Variants in PRKAR2B observed in about 807,000 individuals in gnomAD.
PRKAR2B encodes cAMP-dependent protein kinase type II-beta regulatory subunit.
PRKAR2B carries 14 observed loss-of-function variants against 49.9 expected under a neutral mutation model. The ratio of observed to expected loss-of-function variants is 0.28; its 90% CI spans 0.19 to 0.44. The LOEUF is 0.44. Ranked by LOEUF, PRKAR2B falls within the 20% of genes least tolerant of loss-of-function variation. The pLI is 1.00. For synonymous variants in PRKAR2B, 196 were observed against 197.7 expected, an observed-to-expected ratio of 0.99 and a Z score of 0.07; for missense variants, 393 against 537.9, an observed-to-expected ratio of 0.73 and a Z score of 2.67.
At chr7:107,103,329 A>G (rs143231207) in intron 2 of PRKAR2B, among the ~76,000 whole-genome samples, 29 of 152,348 alleles carry the variant, frequency 1.9e-4, no homozygotes, top group African/African-American at 7.0e-4. Flanking sequence ...GCCAACGTCT[A>G]CCTCACTCTT....
intron 5 of PRKAR2B, among the ~76,000 whole-genome samples, chr7:107,142,482 A>G (rs1385191500): frequency 6.6e-6 from 1 of 152,192 alleles, no homozygotes; most frequent in East Asian, 1.9e-4. Context: ...ACCCTCTATG[A>G]TCTTAACCAT....
At chr7:107,100,506 T>C (rs1794939552) in intron 2 of PRKAR2B, among the ~76,000 whole-genome samples, 2 of 152,228 alleles carry the variant, frequency 1.3e-5, no homozygotes, top group African/African-American at 4.8e-5. Context: ...CTGAGGTTCA[T>C]TGAACTTCTA....
chr7:107,083,493 T>C (rs1224705844), intron 2 of PRKAR2B, among the ~76,000 whole-genome samples: 1 of 152,128 alleles, frequency 6.6e-6, no homozygotes, highest in Non-Finnish European at 1.5e-5. Flanking sequence ...TAGTGCAATA[T>C]TTGAAGGGAG....
chr7:107,153,329 T>C lies in PRKAR2B; in HGVS notation c.918+78T>C, dbSNP rs1309620622. On this transcript the variant is annotated intron_variant, in intron 8 of 10. Transcript: ENST00000265717. ...TGTAGTGGTAGATCTTGATAAACTT[T>C]TCATATTTCTAAAATTAGTATGCAG... The C allele has an allele frequency of 3.9e-6, 4 of 1,030,302 alleles. No homozygotes were observed. In the Admixed American group the frequency reaches 1.0e-4, roughly 26 times the overall value. 63.8% of individuals were successfully genotyped at this position (1,030,302 alleles called of 1,614,324 possible). A position where few individuals can be genotyped will look rare whatever the true frequency, so the allele number is the denominator to read the frequency against.
intron 3 of PRKAR2B, among the ~76,000 whole-genome samples, chr7:107,123,253 T>C (rs1795420899): frequency 6.6e-6 from 1 of 152,216 alleles, no homozygotes; most frequent in Non-Finnish European, 1.5e-5. Flanking sequence ...ATCTCATTGA[T>C]TCAAAAGCTG....
intron 4 of PRKAR2B, among the ~76,000 whole-genome samples, chr7:107,130,805 G>A (rs1302837548): frequency 3.3e-5 from 5 of 152,132 alleles, no homozygotes; most frequent in Admixed American, 1.3e-4. Context: ...CTTTTGCTCC[G>A]GAGGCACACA....
chr7:107,098,214 A>G (rs977947119), intron 2 of PRKAR2B, among the ~76,000 whole-genome samples: 16 of 150,280 alleles, frequency 1.1e-4, no homozygotes, highest in Admixed American at 3.3e-4. Flanking sequence ...ATTTCTTTTC[A>G]CTCTTTTTTC....
chr7:107,128,394 G>GAC (rs10693134), intron 4 of PRKAR2B, 99 bp downstream of exon 4: 485,692 of 832,492 alleles, frequency 0.58, 147,030 homozygotes, highest in South Asian at 0.65. Context: ...TTTGTAAGCT[G>GAC]ATCACCCTGG....
intron 2 of PRKAR2B, among the ~76,000 whole-genome samples, chr7:107,114,650 G>T (rs1297196906): frequency 6.6e-6 from 1 of 151,134 alleles, no homozygotes. Context: ...GATTACTGAC[G>T]TGAGCCACCA....
At chr7:107,096,216 C>T (rs1466205119) in intron 2 of PRKAR2B, among the ~76,000 whole-genome samples, 2 of 152,126 alleles carry the variant, frequency 1.3e-5, no homozygotes, top group Non-Finnish European at 2.9e-5. Flanking sequence ...TCGACTTTTT[C>T]CTCGTTTAGT....
chr7:107,074,078 AAAAT>A (rs1794341868), intron 2 of PRKAR2B, among the ~76,000 whole-genome samples: 1 of 152,056 alleles, frequency 6.6e-6, no homozygotes, highest in Non-Finnish European at 1.5e-5. Context: ...AAAATAAAAT[AAAAT>A]AAAGTAACAG....
chr7:107,070,268 C>A lies in PRKAR2B; in HGVS notation c.308-13C>A. On this transcript the variant is annotated splice_polypyrimidine_tract_variant and intron_variant, in intron 1 of 10. Coordinates refer to ENST00000265717, the MANE Select transcript of PRKAR2B (RefSeq NM_002736.3). Reference sequence around the variant, plus strand: ...CTTTTAATCTAATCATATTATTCTGCTTTTTCTTTTAGCTCCAGTAATAAA... The same window carrying A: ...CTTTTAATCTAATCATATTATTCTGATTTTTCTTTTAGCTCCAGTAATAAA... The A allele has an allele frequency of 6.2e-7, 1 of 1,601,558 alleles. No individual in the cohort carries two copies. The highest frequency in any genetic ancestry group is 8.5e-7 in the Non-Finnish European group (1 of 1,171,404).
chr7:107,151,357 T>C (rs1036932820), intron 7 of PRKAR2B, among the ~76,000 whole-genome samples: 2 of 152,232 alleles, frequency 1.3e-5, no homozygotes, highest in African/African-American at 4.8e-5. Flanking sequence ...TCTCTAGATA[T>C]AGAATGTCCT....
chr7:107,137,771 G>C (rs779046471), intron 4 of PRKAR2B, among the ~76,000 whole-genome samples: 7 of 152,046 alleles, frequency 4.6e-5, no homozygotes, highest in Non-Finnish European at 1.0e-4. Flanking sequence ...ATCTCATTTC[G>C]ATTTTAATTT....
chr7:107,149,331 G>A (rs1426751563), intron 6 of PRKAR2B, among the ~76,000 whole-genome samples: 3 of 152,100 alleles, frequency 2.0e-5, no homozygotes, highest in African/African-American at 7.2e-5. Context: ...TAGTGTCTTA[G>A]TCCTTTTGGG....
intron 2 of PRKAR2B, among the ~76,000 whole-genome samples, chr7:107,109,270 T>C (rs1159271103): frequency 1.3e-5 from 2 of 152,108 alleles, no homozygotes; most frequent in Non-Finnish European, 2.9e-5. Context: ...TTCATTTTGT[T>C]TTTTTAAGAG....
At chr7:107,049,360 A>G (rs1793758630) in intron 1 of PRKAR2B, among the ~76,000 whole-genome samples, 1 of 152,234 alleles carries the variant, frequency 6.6e-6, no homozygotes, top group Non-Finnish European at 1.5e-5. Flanking sequence ...TAGAGTTCAA[A>G]GTAGATACAC....
At chr7:107,097,332 C>T (rs536041115) in intron 2 of PRKAR2B, among the ~76,000 whole-genome samples, 23 of 152,160 alleles carry the variant, frequency 1.5e-4, no homozygotes, top group African/African-American at 2.2e-4. Context: ...CTTGCAACCC[C>T]GGCTTTTTTT....
rs751295908 is a variant in PRKAR2B at position 107,157,055 on chromosome 7, C to A, written c.984+6C>A. 13 of 1,609,506 alleles carry A rather than the reference C, an allele frequency of 8.1e-6. No homozygotes were observed. The African/African-American group carries it at 1.7e-4, about 22-fold the overall frequency. ...AAATTACTATGAAAAGAAAGGTAAGCATTCTAAGTCCTCAGAACCCACATA... is the reference window on the plus strand; with the variant it reads ...AAATTACTATGAAAAGAAAGGTAAGAATTCTAAGTCCTCAGAACCCACATA... On this transcript the variant is annotated splice_donor_region_variant and intron_variant, in intron 9 of 10. Coordinates refer to ENST00000265717, the MANE Select transcript of PRKAR2B (RefSeq NM_002736.3).
Sources: allele counts gnomAD v4.1 joint callset (sites outside exome capture counted in the v4.1 genomes callset), GRCh38; gene constraint gnomAD v4.1.1; transcripts MANE v1.5; gene names NCBI Gene and HGNC (gene_info 2026-07-23, HGNC 2026-07-21).